The following ELK4 variants were observed in gnomAD, a reference collection of about 807,000 sequenced individuals.
ELK4 encodes the protein ETS domain-containing protein Elk-4.
Under a neutral mutation model 29.6 loss-of-function variants are expected in ELK4, and 16 were observed. The ratio of observed to expected loss-of-function variants is 0.54; its 90% CI spans 0.37 to 0.82. The LOEUF (loss-of-function observed/expected upper bound fraction) is 0.82, where lower values mean the gene tolerates loss of function less well. Ranked by LOEUF, ELK4 falls within the 40% of genes least tolerant of loss-of-function variation. The pLI is 0.00. For synonymous variants in ELK4, 213 were observed against 191.1 expected, an observed-to-expected ratio of 1.11 and a Z score of -0.95; for missense variants, 465 against 507.1, an observed-to-expected ratio of 0.92 and a Z score of 0.80.
At chr1:205,617,002 T>C (rs973923823) in intron 4 of ELK4, among the ~76,000 whole-genome samples, 4 of 152,200 alleles carry the variant, frequency 2.6e-5, no homozygotes, top group Admixed American at 6.5e-5. Flanking sequence ...AATTCAATTA[T>C]GGAGCAAATC....
intron 1 of ELK4, among the ~76,000 whole-genome samples, chr1:205,631,381 C>T (rs1310857207): frequency 1.4e-5 from 2 of 142,808 alleles, no homozygotes; most frequent in African/African-American, 5.2e-5. Flanking sequence ...AAAAAATCGC[C>T]GCCACCTTTC....
intron 1 of ELK4, chr1:205,625,509 T>A: frequency 4.1e-6 from 3 of 735,752 alleles, no homozygotes; most frequent in Non-Finnish European, 2.5e-6. Flanking sequence ...AAGAAGAGCA[T>A]CCGTTCAAGA....
chr1:205,626,076 G>A (rs993699111), intron 1 of ELK4: 2 of 1,066,714 alleles, frequency 1.9e-6, no homozygotes, highest in Admixed American at 3.4e-5. Context: ...TGCCACAATG[G>A]GTCAGCTCTA....
intron 1 of ELK4, among the ~76,000 whole-genome samples, chr1:205,627,236 G>A (rs769853522): frequency 2.6e-5 from 4 of 152,174 alleles, no homozygotes; most frequent in Non-Finnish European, 5.9e-5. Flanking sequence ...TAGGCAGGGC[G>A]CAGTGGCTCA....
intron 1 of ELK4, among the ~76,000 whole-genome samples, chr1:205,630,843 T>C (rs1481008171): frequency 1.3e-5 from 2 of 152,066 alleles, no homozygotes; most frequent in East Asian, 1.9e-4. Context: ...CCAGGGGGTG[T>C]AGGGGGTGGG....
chr1:205,628,245 T>A (rs973704287), intron 1 of ELK4, among the ~76,000 whole-genome samples: 1 of 152,168 alleles, frequency 6.6e-6, no homozygotes, highest in Non-Finnish European at 1.5e-5. Context: ...GTCTCTTGAG[T>A]TTACCTGACA....
chr1:205,627,062 G>A (rs899865694), intron 1 of ELK4, among the ~76,000 whole-genome samples: 5 of 152,170 alleles, frequency 3.3e-5, no homozygotes, highest in Admixed American at 6.5e-5. Context: ...ACCACATATT[G>A]TATGTTTCCA....
Position 205,613,541 on chromosome 1 carries a change from AG to A in ELK4, c.*3004del, listed in dbSNP as rs529938793. ...CATCCTTTCTGAACTCTAAGGTGGT[AG>A]CTTGAAATCAGCCACAGGAGGAGTA... On this transcript the variant is annotated 3_prime_UTR_variant, in exon 5 of 5. Transcript: ENST00000357992. 360 of 182,380 alleles carry A rather than the reference AG, an allele frequency of 2.0e-3. 1 individual carries two copies. Among genetic ancestry groups the A allele is most frequent in the African/African-American group, 8.1e-3 (345 of 42,564 alleles). The allele number at this position is 182,380 out of a possible 1,614,324, so 11.3% of individuals were successfully genotyped here. A position where few individuals can be genotyped will look rare whatever the true frequency, so the allele number is the denominator to read the frequency against.
chr1:205,621,430 A>AT (rs1670348232), intron 2 of ELK4, among the ~76,000 whole-genome samples: 1 of 152,196 alleles, frequency 6.6e-6, no homozygotes, highest in South Asian at 2.1e-4. Flanking sequence ...TCTCAACCAA[A>AT]TATCTGTGCA....
Position 205,609,681 on chromosome 1 carries a change from C to T in ELK4, c.*6865G>A, listed in dbSNP as rs755408608. On this transcript the variant is annotated 3_prime_UTR_variant, in exon 5 of 5. Transcript: ENST00000357992. Reference sequence around the variant, plus strand: ...AAATGTCAGGATTGTGTCCCCTACACAATAGACAATAAGCAACAATGACCA... The same window carrying T: ...AAATGTCAGGATTGTGTCCCCTACATAATAGACAATAAGCAACAATGACCA... 5.8e-5 allele frequency: 12 copies of T among 206,354 alleles called. No individual in the cohort carries two copies. Among genetic ancestry groups the T allele is most frequent in the Non-Finnish European group, 1.1e-4 (11 of 100,924 alleles). The allele number at this position is 206,354 out of a possible 1,614,324, so 12.8% of individuals were successfully genotyped here.
At chr1:205,625,205 G>A (rs1670429025) in intron 1 of ELK4, among the ~76,000 whole-genome samples, 1 of 151,682 alleles carries the variant, frequency 6.6e-6, no homozygotes, top group South Asian at 2.1e-4. Flanking sequence ...CATCAAGTGA[G>A]AAGACAATCC....
Position 205,616,513 on chromosome 1 carries a change from T to C in ELK4, c.*33A>G. Reference sequence around the variant, plus strand: ...ATCATGTTGAATGTCTGTTTCTTCGTTCCTCGGTTCTCTCATTCCACAAGT... The same window carrying C: ...ATCATGTTGAATGTCTGTTTCTTCGCTCCTCGGTTCTCTCATTCCACAAGT... On this transcript the variant is annotated 3_prime_UTR_variant, in exon 5 of 5. Coordinates refer to ENST00000357992, the MANE Select transcript of ELK4 (RefSeq NM_001973.4). 1.3e-6 allele frequency: 2 copies of C among 1,576,288 alleles called. No individual in the cohort carries two copies. The highest frequency in any genetic ancestry group is 1.7e-6 in the Non-Finnish European group (2 of 1,146,148).
At chr1:205,618,721 G>A (rs113551063) in intron 4 of ELK4, among the ~76,000 whole-genome samples, 18,974 of 152,122 alleles carry the variant, frequency 0.12, 1,550 homozygotes, top group East Asian at 0.24. Context: ...TACTCCGGAG[G>A]CTGAGGCAGG....
intron 1 of ELK4, among the ~76,000 whole-genome samples, chr1:205,626,983 T>TAC (rs1237598590): frequency 3.3e-5 from 5 of 151,852 alleles, no homozygotes; most frequent in African/African-American, 4.8e-5. Flanking sequence ...AGGAATGAGG[T>TAC]ACACACACAC....
Position 205,623,769 on chromosome 1 carries a change from T to G in ELK4, c.114A>C (p.Ala38=). 1 of 1,614,232 alleles carries G rather than the reference T, an allele frequency of 6.2e-7. No homozygotes were observed. Among genetic ancestry groups the G allele is most frequent in the Middle Eastern group, 1.7e-4 (1 of 6,060 alleles). ...TCCCCCAGAGACGAGCCACCTCTTCTGCCTGCAAAAGCTTAAACTGCCCAT... is the reference window on the plus strand; with the variant it reads ...TCCCCCAGAGACGAGCCACCTCTTCGGCCTGCAAAAGCTTAAACTGCCCAT... ...SNDGQFKLLQ[A]EEVARLWGIR... Residue 38 remains alanine (A), a synonymous_variant, in exon 2 of 5, where the codon GCA becomes GCC. Coordinates refer to ENST00000357992, the MANE Select transcript of ELK4 (RefSeq NM_001973.4).
Position 205,608,006 on chromosome 1 carries a change from A to G in ELK4, c.*8540T>C, listed in dbSNP as rs1670099361. ...GCTGTCCATATCTAGTTGCACATAT[A>G]TCTATTAACATATATGTATACTTTT... On this transcript the variant is annotated 3_prime_UTR_variant, in exon 5 of 5. Coordinates refer to ENST00000357992, the MANE Select transcript of ELK4 (RefSeq NM_001973.4). 1 of 177,808 alleles carries G rather than the reference A, an allele frequency of 5.6e-6. No homozygotes were observed. The highest frequency in any genetic ancestry group is 1.2e-5 in the Non-Finnish European group (1 of 82,736). 11.0% of individuals were successfully genotyped at this position (177,808 alleles called of 1,614,324 possible). A position where few individuals can be genotyped will look rare whatever the true frequency, so the allele number is the denominator to read the frequency against.
rs550092256 is a variant in ELK4 at position 205,619,733 on chromosome 1, A to G, written c.1080+233T>C. Reference sequence around the variant, plus strand: ...TTTAGGAGGAAATAGAAAAATCAAAATATTTATTTACTTGTAGAACAATGA... The same window carrying G: ...TTTAGGAGGAAATAGAAAAATCAAAGTATTTATTTACTTGTAGAACAATGA... On this transcript the variant is annotated intron_variant, in intron 3 of 4. Transcript: ENST00000357992. The G allele has an allele frequency of 2.7e-6, 4 of 1,459,472 alleles. No individual in the cohort carries two copies. In the South Asian group the frequency reaches 6.2e-5, roughly 23 times the overall value. 90.4% of individuals were successfully genotyped at this position (1,459,472 alleles called of 1,614,324 possible).
Position 205,619,103 on chromosome 1 carries a change from G to T in ELK4, c.1081-30C>A. 3.4e-6 allele frequency: 5 copies of T among 1,477,274 alleles called. No homozygotes were observed. The South Asian group carries it at 5.4e-5, about 16-fold the overall frequency. The allele number at this position is 1,477,274 out of a possible 1,614,324, so 91.5% of individuals were successfully genotyped here. A position where few individuals can be genotyped will look rare whatever the true frequency, so the allele number is the denominator to read the frequency against. ...AATACACAAAGCAAAAATATTCACT[G>T]ACTGACTTACCAGGATGTTTTATCC... On this transcript the variant is annotated intron_variant, in intron 3 of 4. Coordinates refer to ENST00000357992, the MANE Select transcript of ELK4 (RefSeq NM_001973.4).
intron 3 of ELK4, chr1:205,619,298 T>C: frequency 1.9e-6 from 2 of 1,032,588 alleles, no homozygotes; most frequent in Admixed American, 5.1e-5. Context: ...ATTTCAATAG[T>C]TTTTGGGGGT....
Sources: allele counts gnomAD v4.1 joint callset (sites outside exome capture counted in the v4.1 genomes callset), GRCh38; gene constraint gnomAD v4.1.1; transcripts MANE v1.5; gene names NCBI Gene and HGNC (gene_info 2026-07-23, HGNC 2026-07-21).